METTL14: variants seen among roughly 807,000 people sequenced by gnomAD.
METTL14 encodes N(6)-adenosine-methyltransferase non-catalytic subunit METTL14.
Under a neutral mutation model 62.4 loss-of-function variants are expected in METTL14, and 32 were observed. The observed-to-expected ratio is 0.51, with a 90% CI of 0.39 to 0.69. The LOEUF is 0.69. METTL14 is among the 30% of genes least tolerant of loss of function. The probability of loss-of-function intolerance (pLI) is 0.00; values close to 1 mark genes in which losing one functional copy is unlikely to be tolerated. For synonymous variants in METTL14, 150 were observed against 180.0 expected, an observed-to-expected ratio of 0.83 and a Z score of 1.34; for missense variants, 340 against 551.9, an observed-to-expected ratio of 0.62 and a Z score of 3.85.
In METTL14 at chr4:118,712,663, T is replaced by A. The variant is rs1724957403; in HGVS notation, c.*2361T>A. On this transcript the variant is annotated 3_prime_UTR_variant, in exon 11 of 11. Coordinates refer to ENST00000388822, the MANE Select transcript of METTL14 (RefSeq NM_020961.4). The stretch of plus-strand genomic sequence containing the variant: ...TGTATAGAAATAAATTTTTAGTTGC[T>A]TTATGCACTAATTCCTTACTGGGGA... 6.6e-6 allele frequency: 1 copy of A among 152,158 alleles called. No homozygotes were observed. The highest frequency in any genetic ancestry group is 1.5e-5 in the Non-Finnish European group (1 of 68,022). 9.4% of individuals were successfully genotyped at this position (152,158 alleles called of 1,614,324 possible).
rs554581238 is a variant in METTL14 at position 118,712,846 on chromosome 4, G to A, written c.*2544G>A. On this transcript the variant is annotated 3_prime_UTR_variant, in exon 11 of 11. Transcript: ENST00000388822. ...ACTGACCTTCCTCCTTTCAGAGGAT[G>A]GGGATTAGGAGGCCCAAAGTACTGA... 2.6e-5 allele frequency: 4 copies of A among 152,200 alleles called. No individual in the cohort carries two copies. The South Asian group carries it at 8.3e-4, about 32-fold the overall frequency. 9.4% of individuals were successfully genotyped at this position (152,200 alleles called of 1,614,324 possible). A position where few individuals can be genotyped will look rare whatever the true frequency, so the allele number is the denominator to read the frequency against.
rs781565944 is a variant in METTL14, at chr4:118,689,397, T to A, written c.183T>A (p.Asn61Lys). ...CRASYDTSAP[N>K]AKRKYLDEGE... is the part of the protein sequence containing the mutation. ...CTTCCTATGATACCTCTGCTCCAAATGCAAAACGTAAGTATCTGGATGAAG... is the reference window on the plus strand; with the variant it reads ...CTTCCTATGATACCTCTGCTCCAAAAGCAAAACGTAAGTATCTGGATGAAG... Residue 61 changes from asparagine (N) to lysine (K), a missense_variant, in exon 3 of 11, where the codon AAT becomes AAA. By Grantham distance (94) the Asn-to-Lys change is moderately conservative. This residue lies in a region of METTL14 where 111 missense variants were observed against 116.6 expected (regional missense o/e 0.95). Coordinates refer to ENST00000388822, the MANE Select transcript of METTL14 (RefSeq NM_020961.4). 2.1e-5 allele frequency: 34 copies of A among 1,605,134 alleles called. No individual in the cohort carries two copies. The highest frequency in any genetic ancestry group is 2.5e-5 in the Non-Finnish European group (29 of 1,176,046).
chr4:118,686,743 T>A (rs1236334931), intron 1 of METTL14: 1 of 425,674 alleles, frequency 2.3e-6, no homozygotes, highest in South Asian at 1.7e-5. Context: ...GTTTTACTCC[T>A]TAATATTGAA....
chr4:118,687,991 T>A lies in METTL14; in HGVS notation c.135T>A (p.Ala45=). 1.2e-6 allele frequency: 2 copies of A among 1,613,002 alleles called. No individual in the cohort carries two copies. Among genetic ancestry groups the A allele is most frequent in the Non-Finnish European group, 8.5e-7 (1 of 1,179,336 alleles). Residue 45 remains alanine, a synonymous_variant, in exon 2 of 11, where the codon GCT becomes GCA. Coordinates refer to ENST00000388822, the MANE Select transcript of METTL14 (RefSeq NM_020961.4). ...LNSKDEQREI[A]ETRETCRASY... Reference sequence around the variant, plus strand: ...GCAAAGATGAGCAGAGAGAAATTGCTGAAACAAGAGAAACTTGCAGGTCAG... The same window carrying A: ...GCAAAGATGAGCAGAGAGAAATTGCAGAAACAAGAGAAACTTGCAGGTCAG...
chr4:118,689,434 G>C lies in METTL14; in HGVS notation c.220G>C (p.Glu74Gln), dbSNP rs1165004141. 1 of 1,600,912 alleles carries C rather than the reference G, an allele frequency of 6.2e-7. No homozygotes were observed. The highest frequency in any genetic ancestry group is 2.2e-5 in the East Asian group (1 of 44,460). ...RKYLDEGETDEDKMEEYKDEL... is the reference protein window; with the variant it reads ...RKYLDEGETDQDKMEEYKDEL... The stretch of plus-strand genomic sequence containing the variant: ...GTATCTGGATGAAGGAGAGACAGAT[G>C]AAGACAAAATGGAAGAATATAAGGC... Residue 74 changes from glutamate to glutamine, a missense_variant, in exon 3 of 11, where the codon GAA becomes CAA. Around this residue, in one of 7 missense-constraint regions of METTL14, gnomAD observed 111 missense variants for 116.6 expected, o/e 0.95. Transcript: ENST00000388822.
chr4:118,706,569 G>C (rs981548366), intron 10 of METTL14, among the ~76,000 whole-genome samples: 1 of 152,164 alleles, frequency 6.6e-6, no homozygotes, highest in Non-Finnish European at 1.5e-5. Flanking sequence ...TTGTGTGGTC[G>C]TAAGTTTTCA....
intron 6 of METTL14, among the ~76,000 whole-genome samples, chr4:118,695,291 C>T (rs1724373782): frequency 6.6e-6 from 1 of 151,900 alleles, no homozygotes; most frequent in Non-Finnish European, 1.5e-5. Context: ...GCTCACCCCT[C>T]TAATCCCAGC....
intron 1 of METTL14, among the ~76,000 whole-genome samples, chr4:118,686,043 T>G (rs2110462702): frequency 6.6e-6 from 1 of 152,356 alleles, no homozygotes; most frequent in South Asian, 2.1e-4. Flanking sequence ...AAGACAACAC[T>G]GGAAGTAGCC....
intron 6 of METTL14, 51 bp from the exon 7 acceptor site, chr4:118,697,131 T>C (rs769041596): frequency 9.8e-6 from 14 of 1,431,502 alleles, no homozygotes; most frequent in Middle Eastern, 1.8e-4. Context: ...GAAAATCTTA[T>C]TTAAAAAGCA....
At chr4:118,693,684 C>T (rs943244371) in intron 5 of METTL14, among the ~76,000 whole-genome samples, 1 of 152,046 alleles carries the variant, frequency 6.6e-6, no homozygotes, top group Non-Finnish European at 1.5e-5. Flanking sequence ...TCTTAGGATA[C>T]CTGCCTCCCC....
At chr4:118,704,475 G>A (rs1399332447) in intron 9 of METTL14, among the ~76,000 whole-genome samples, 1 of 152,116 alleles carries the variant, frequency 6.6e-6, no homozygotes, top group Admixed American at 6.5e-5. Flanking sequence ...ACTCTGCCCT[G>A]CTAGTATCAG....
At chr4:118,701,172 A>ATT (rs1724575968) in intron 8 of METTL14, among the ~76,000 whole-genome samples, 1 of 137,366 alleles carries the variant, frequency 7.3e-6, no homozygotes, top group Non-Finnish European at 1.6e-5. Flanking sequence ...TTTTTATTGG[A>ATT]GTTTTTTTTT....
chr4:118,712,012 C>G lies in METTL14; in HGVS notation c.*1710C>G, dbSNP rs987986971. On this transcript the variant is annotated 3_prime_UTR_variant, in exon 11 of 11. Transcript: ENST00000388822. Reference sequence around the variant, plus strand: ...TCTTAGAAAGAGGTAGGTATGGCTGCTTTGTCGGTTGAAAGTTAAGGGGAG... The same window carrying G: ...TCTTAGAAAGAGGTAGGTATGGCTGGTTTGTCGGTTGAAAGTTAAGGGGAG... 1 of 152,118 alleles carries G rather than the reference C, an allele frequency of 6.6e-6. No homozygotes were observed. Among genetic ancestry groups the G allele is most frequent in the African/African-American group, 2.4e-5 (1 of 41,422 alleles). 9.4% of individuals were successfully genotyped at this position (152,118 alleles called of 1,614,324 possible). A position where few individuals can be genotyped will look rare whatever the true frequency, so the allele number is the denominator to read the frequency against.
Position 118,710,065 on chromosome 4 carries a change from C to T in METTL14, c.1134C>T (p.Phe378=), listed in dbSNP as rs768499261. The change falls in exon 11 of 11, where the codon TTC becomes TTT. Residue 378 remains phenylalanine, a synonymous_variant. Transcript: ENST00000388822. ...NYNAETYASY[F]SAPNSYLTGC... The stretch of plus-strand genomic sequence containing the variant: ...ATGCAGAAACATATGCATCCTATTT[C>T]AGTGCTCCTAATTCCTACTTGACTG... 6.2e-7 allele frequency: 1 copy of T among 1,614,178 alleles called. No individual in the cohort carries two copies. The highest frequency in any genetic ancestry group is 2.2e-5 in the East Asian group (1 of 44,882).
At chr4:118,701,278 GACTCA>G (rs1724582909) in intron 8 of METTL14, among the ~76,000 whole-genome samples, 1 of 149,088 alleles carries the variant, frequency 6.7e-6, no homozygotes, top group Non-Finnish European at 1.5e-5. Context: ...CGACCTCCTG[GACTCA>G]ACTCAAGCAG....
chr4:118,703,356 T>G (rs566172619), intron 8 of METTL14, among the ~76,000 whole-genome samples: 32 of 152,314 alleles, frequency 2.1e-4, no homozygotes, highest in Non-Finnish European at 4.1e-4. Flanking sequence ...TCTAGGACAT[T>G]AAGGTTCACA....
intron 1 of METTL14, 148 bp downstream of exon 1, chr4:118,685,748 C>T (rs1360552062): frequency 2.8e-6 from 2 of 714,494 alleles, no homozygotes; most frequent in African/African-American, 1.8e-5. Context: ...CCTGGTTCTG[C>T]CTTTGTAGTT....
intron 10 of METTL14, among the ~76,000 whole-genome samples, chr4:118,706,368 TTC>T (rs1317252662): frequency 6.6e-6 from 1 of 152,262 alleles, no homozygotes; most frequent in East Asian, 1.9e-4. Context: ...TTAGATTGGC[TTC>T]TTTCATTTGG....
intron 7 of METTL14, 34 bp downstream of exon 7, chr4:118,697,357 T>C (rs1211725375): frequency 3.2e-6 from 5 of 1,538,838 alleles, no homozygotes; most frequent in Non-Finnish European, 2.6e-6. Context: ...TAATGAATTA[T>C]TTATTTTCAA....
Sources: gnomAD v4.1 joint callset for allele counts (sites outside exome capture counted in the v4.1 genomes callset) on GRCh38, gnomAD v4.1.1 for gene constraint, gnomAD v4.1.1 regional missense constraint, MANE v1.5 for transcripts, NCBI Gene and HGNC (gene_info 2026-07-23, HGNC 2026-07-21) for gene names.